The following SLIRP variants were observed in gnomAD, a reference collection of about 807,000 sequenced individuals.
SLIRP encodes SRA stem-loop interacting RNA binding protein.
Under a neutral mutation model 13.4 loss-of-function variants are expected in SLIRP, and 12 were observed. That is an observed-to-expected ratio of 0.89 (90% confidence interval 0.57 to 1.45). The LOEUF (loss-of-function observed/expected upper bound fraction) is 1.45. Among genes scored for constraint, SLIRP ranks in the 40% most tolerant of loss-of-function variants. The pLI is 0.00. For missense variants in SLIRP, 154 were observed against 132.2 expected, an observed-to-expected ratio of 1.17 and a Z score of -0.81; for synonymous variants, 55 against 47.1, an observed-to-expected ratio of 1.17 and a Z score of -0.69.
chr14:77,710,679 T>TTA, intron 1 of SLIRP, 159 bp from the exon 2 acceptor site: 1 of 1,550,470 alleles, frequency 6.4e-7, no homozygotes, highest in Non-Finnish European at 8.7e-7. Flanking sequence ...CATTATGGCT[T>TTA]TATAGTCAGT....
intron 2 of SLIRP, among the ~76,000 whole-genome samples, chr14:77,714,394 G>A (rs985635619): frequency 6.6e-6 from 1 of 152,120 alleles, no homozygotes; most frequent in Admixed American, 6.5e-5. Context: ...GCTGCCTCCT[G>A]GGTTCAAGTG....
intron 2 of SLIRP, among the ~76,000 whole-genome samples, chr14:77,712,593 C>T (rs183903947): frequency 0.014 from 2,119 of 152,058 alleles, 47 homozygotes; most frequent in African/African-American, 0.049. Flanking sequence ...TACAGGCGCC[C>T]GCCACTACGC....
chr14:77,715,859 CATATT>C lies in SLIRP; in HGVS notation c.248_252del (p.Ile83ArgfsTer10), dbSNP rs776989213. The C allele has an allele frequency of 6.2e-7, 1 of 1,613,370 alleles. No homozygotes were observed. The highest frequency in any genetic ancestry group is 1.3e-5 in the African/African-American group (1 of 74,876). ...TCGGAATGCACTACAACAGGAAAAT[CATATT>C]ATAGATGGAGTAAAGGTAAATTTAT... is the stretch of plus-strand genomic sequence containing the variant. On this transcript the variant is annotated frameshift_variant, in exon 3 of 4. Transcript: ENST00000557342. LOFTEE classifies it high-confidence loss of function.
At position 77,717,017 on chromosome 14, in the gene SLIRP, G is replaced by A. The variant is rs1475723621; in HGVS notation, c.265-479G>A. On this transcript the variant is annotated intron_variant, in intron 3 of 3. Transcript: ENST00000557342. Reference sequence around the variant, plus strand: ...TGACCTCAGGCAATCCGCCCACCTCGGCCTCCCAAAGTGCTGGGATTACAG... The same window carrying A: ...TGACCTCAGGCAATCCGCCCACCTCAGCCTCCCAAAGTGCTGGGATTACAG... 2.6e-5 allele frequency among the ~76,000 whole-genome samples: 4 copies of A among 152,008 alleles called. No individual in the cohort carries two copies. In the East Asian group the frequency reaches 7.7e-4, roughly 29 times the overall value.
At chr14:77,710,754 A>T in intron 1 of SLIRP, 84 bp from the exon 2 acceptor site, 2 of 1,593,442 alleles carry the variant, frequency 1.3e-6, no homozygotes, top group African/African-American at 1.3e-5. Flanking sequence ...TCCACAAGAA[A>T]TCTGGTGACC....
intron 2 of SLIRP, among the ~76,000 whole-genome samples, chr14:77,715,382 G>A (rs530072159): frequency 3.4e-4 from 52 of 152,250 alleles, no homozygotes; most frequent in Non-Finnish European, 6.2e-4. Context: ...GGTGGCTTAT[G>A]CCTGTAATTT....
chr14:77,710,446 C>G (rs1077843), intron 1 of SLIRP: 1 of 588,620 alleles, frequency 1.7e-6, no homozygotes, highest in African/African-American at 1.9e-5. Flanking sequence ...ACACATTTTA[C>G]TAAATTGTGA....
At position 77,708,199 on chromosome 14, in the gene SLIRP, G is replaced by A. The variant is rs375585554; in HGVS notation, c.88G>A (p.Ala30Thr). Reference sequence around the variant, plus strand: ...TTTTGTGAGAAGAATTCCTTGGACTGCGGCGTCGAGTGAGTGATGGAGATG... The same window carrying A: ...TTTTGTGAGAAGAATTCCTTGGACTACGGCGTCGAGTGAGTGATGGAGATG... The part of the protein sequence containing the change: ...VAFVRRIPWT[A>T]ASSQLKEHFA... The change falls in exon 1 of 4, where the codon GCG (alanine) becomes ACG (threonine). Residue 30 changes from alanine (A) to threonine (T), a missense_variant. Coordinates refer to ENST00000557342, the MANE Select transcript of SLIRP (RefSeq NM_031210.6). 2.2e-5 allele frequency: 35 copies of A among 1,614,060 alleles called. No homozygotes were observed. Among genetic ancestry groups the A allele is most frequent in the Non-Finnish European group, 2.5e-5 (30 of 1,180,008 alleles).
chr14:77,717,412 A>C, intron 3 of SLIRP, 84 bp from the exon 4 acceptor site: 1 of 1,137,068 alleles, frequency 8.8e-7, no homozygotes, highest in Non-Finnish European at 1.3e-6. Context: ...CATTATTCAT[A>C]CTGACTCCCT....
chr14:77,717,516 G>A lies in SLIRP; in HGVS notation c.285G>A (p.Arg95=). ...DGVKVQVHTR[R]PKLPQTSDDE... ...TTAAGGTCCAGGTTCACACTAGAAG[G>A]CCAAAACTTCCGCAAACATCTGATG... Residue 95 remains arginine (R), a synonymous_variant, in exon 4 of 4, where the codon AGG becomes AGA. Coordinates refer to ENST00000557342, the MANE Select transcript of SLIRP (RefSeq NM_031210.6). 6.2e-7 allele frequency: 1 copy of A among 1,613,992 alleles called. No individual in the cohort carries two copies. The highest frequency in any genetic ancestry group is 8.5e-7 in the Non-Finnish European group (1 of 1,179,986).
chr14:77,708,637 A>G (rs538768269), intron 1 of SLIRP, among the ~76,000 whole-genome samples: 1 of 152,344 alleles, frequency 6.6e-6, no homozygotes, highest in East Asian at 1.9e-4. Context: ...ATGTTTTAAA[A>G]GCAAATTAGA....
intron 3 of SLIRP, 149 bp downstream of exon 3, chr14:77,716,028 G>T: frequency 2.8e-6 from 2 of 704,326 alleles, no homozygotes; most frequent in South Asian, 4.0e-5. Flanking sequence ...AAGAATGGTG[G>T]GGTGGAGGCT....
In SLIRP at chr14:77,715,858, T is replaced by G. The variant is rs759863107; in HGVS notation, c.243T>G (p.Asn81Lys). Residue 81 changes from asparagine to lysine, a missense_variant, in exon 3 of 4, where the codon AAT becomes AAG. Coordinates refer to ENST00000557342, the MANE Select transcript of SLIRP (RefSeq NM_031210.6). ...EGLRNALQQE[N>K]HIIDGVKVQV... The stretch of plus-strand genomic sequence containing the variant: ...TTCGGAATGCACTACAACAGGAAAA[T>G]CATATTATAGATGGAGTAAAGGTAA... 1 of 1,613,724 alleles carries G rather than the reference T, an allele frequency of 6.2e-7. No individual in the cohort carries two copies. The highest frequency in any genetic ancestry group is 1.1e-5 in the South Asian group (1 of 91,064).
At chr14:77,712,275 CTT>C (rs35035208) in intron 2 of SLIRP, among the ~76,000 whole-genome samples, 7 of 137,350 alleles carry the variant, frequency 5.1e-5, no homozygotes, top group Non-Finnish European at 6.2e-5. Flanking sequence ...GGCAAAATTC[CTT>C]TTTTTTTTTT....
In SLIRP at chr14:77,710,844, T is replaced by C. The variant is rs778263085; in HGVS notation, c.104T>C (p.Leu35Pro). Residue 35 changes from leucine to proline, a missense_variant, in exon 2 of 4, where the codon CTG (leucine) becomes CCG (proline). Leu to Pro is a moderately conservative substitution (Grantham distance 98, BLOSUM62 -3). Transcript: ENST00000557342. Reference protein sequence around the residue: ...RIPWTAASSQLKEHFAQFGHV... With the variant: ...RIPWTAASSQPKEHFAQFGHV... ...GTTTTCTTCTGCCACACAGGTCAGC[T>C]GAAAGAACACTTTGCACAGTTCGGC... 6.2e-7 allele frequency: 1 copy of C among 1,614,162 alleles called. No homozygotes were observed. The highest frequency in any genetic ancestry group is 8.5e-7 in the Non-Finnish European group (1 of 1,180,032).
At chr14:77,711,991 C>T (rs2080444252) in intron 2 of SLIRP, 1 of 152,076 alleles carries the variant, frequency 6.6e-6, no homozygotes, top group Non-Finnish European at 1.5e-5. Context: ...GGCCTACAGT[C>T]TTTATTGATT....
chr14:77,710,298 C>G (rs568336856), intron 1 of SLIRP, among the ~76,000 whole-genome samples: 116 of 152,124 alleles, frequency 7.6e-4, no homozygotes, highest in African/African-American at 2.5e-3. Context: ...GGATTACCAA[C>G]ATATGGAGGG....
chr14:77,716,102 G>A (rs2080476004), intron 3 of SLIRP: 1 of 361,734 alleles, frequency 2.8e-6, no homozygotes. Context: ...GGATCACAAG[G>A]TCAGGAGATC....
chr14:77,708,562 A>G (rs188510838), intron 1 of SLIRP, among the ~76,000 whole-genome samples: 101 of 152,346 alleles, frequency 6.6e-4, no homozygotes, highest in Non-Finnish European at 1.1e-3. Context: ...CAATTTCATT[A>G]ATTTACTTAA....
Sources: allele counts gnomAD v4.1 joint callset (sites outside exome capture counted in the v4.1 genomes callset), GRCh38; gene constraint gnomAD v4.1.1; transcripts MANE v1.5; gene names NCBI Gene and HGNC (gene_info 2026-07-23, HGNC 2026-07-21).